The following CNTNAP2 variants were observed in gnomAD, a reference collection of about 807,000 sequenced individuals.
CNTNAP2 encodes the protein contactin-associated protein-like 2.
A neutral mutation model predicts 155.2 loss-of-function variants in CNTNAP2; 98 were observed. The ratio of observed to expected loss-of-function variants is 0.63; its 90% CI spans 0.54 to 0.75. The LOEUF is 0.75. Ranked by LOEUF, CNTNAP2 falls within the 30% of genes least tolerant of loss-of-function variation. CNTNAP2 has a pLI of 0.00. For missense variants in CNTNAP2, 1,727 were observed against 1,688.1 expected (o/e 1.02, Z -0.40); for synonymous variants, 651 against 631.2 (o/e 1.03, Z -0.47).
At chr7:147,396,684 T>G (rs1796822286) in intron 10 of CNTNAP2, among the ~76,000 whole-genome samples, 1 of 152,020 alleles carries the variant, frequency 6.6e-6, no homozygotes, top group Non-Finnish European at 1.5e-5. Flanking sequence ...ATGAACAAGT[T>G]TCATTTTGAG....
intron 1 of CNTNAP2, among the ~76,000 whole-genome samples, chr7:146,486,935 G>A (rs1797067356): frequency 1.3e-5 from 2 of 152,114 alleles, no homozygotes; most frequent in South Asian, 4.2e-4. Context: ...CAGCTGTACT[G>A]TAACTTCACT....
At chr7:146,324,220 C>T (rs1057394240) in intron 1 of CNTNAP2, among the ~76,000 whole-genome samples, 4 of 152,016 alleles carry the variant, frequency 2.6e-5, no homozygotes, top group Admixed American at 6.6e-5. Context: ...TGAGATGGAA[C>T]GATTACACTT....
chr7:147,929,427 T>C (rs1359352049), intron 14 of CNTNAP2, among the ~76,000 whole-genome samples: 1 of 152,156 alleles, frequency 6.6e-6, no homozygotes, highest in African/African-American at 2.4e-5. Flanking sequence ...GAAAAGAATA[T>C]CCTACAAACT....
intron 1 of CNTNAP2, among the ~76,000 whole-genome samples, chr7:146,342,918 T>A (rs1489455330): frequency 6.6e-6 from 1 of 152,218 alleles, no homozygotes; most frequent in Non-Finnish European, 1.5e-5. Context: ...ACTGCAGAAT[T>A]AGAATGCAGA....
intron 1 of CNTNAP2, among the ~76,000 whole-genome samples, chr7:146,472,027 T>C (rs1584940908): frequency 6.6e-6 from 1 of 152,192 alleles, no homozygotes; most frequent in South Asian, 2.1e-4. Context: ...AAAGCTCTCA[T>C]GGGCATCCTG....
At chr7:146,161,083 C>T (rs149532389) in intron 1 of CNTNAP2, among the ~76,000 whole-genome samples, 1,604 of 152,236 alleles carry the variant, frequency 0.011, 17 homozygotes, top group Middle Eastern at 0.044. Flanking sequence ...ATCGTATAAA[C>T]GGAACTAAAG....
At chr7:146,728,691 GCA>G (rs1290336877) in intron 1 of CNTNAP2, among the ~76,000 whole-genome samples, 2 of 150,396 alleles carry the variant, frequency 1.3e-5, no homozygotes, top group Admixed American at 1.3e-4. Context: ...TAGAAAAAAA[GCA>G]CAGTCTGTTC....
chr7:147,515,635 A>G (rs560288667), intron 11 of CNTNAP2, among the ~76,000 whole-genome samples: 1 of 152,190 alleles, frequency 6.6e-6, no homozygotes, highest in South Asian at 2.1e-4. Context: ...ATATTCTAAT[A>G]TACTGCATCT....
chr7:146,526,350 G>T (rs1291310819), intron 1 of CNTNAP2, among the ~76,000 whole-genome samples: 1 of 152,156 alleles, frequency 6.6e-6, no homozygotes, highest in Non-Finnish European at 1.5e-5. Context: ...AGTTCTTCAT[G>T]CTTTACAGGA....
At chr7:146,618,584 T>C (rs1799266057) in intron 1 of CNTNAP2, among the ~76,000 whole-genome samples, 1 of 152,180 alleles carries the variant, frequency 6.6e-6, no homozygotes, top group African/African-American at 2.4e-5. Flanking sequence ...AATTCAATCC[T>C]AGGGTAACAA....
intron 3 of CNTNAP2, among the ~76,000 whole-genome samples, chr7:146,932,172 G>T (rs1034546372): frequency 5.3e-5 from 8 of 152,160 alleles, no homozygotes; most frequent in African/African-American, 1.9e-4. Context: ...GATGAACACT[G>T]ATGCAAAAAT....
chr7:147,388,892 C>A (rs1057425914), intron 9 of CNTNAP2, among the ~76,000 whole-genome samples: 2 of 152,068 alleles, frequency 1.3e-5, no homozygotes, highest in African/African-American at 4.8e-5. Flanking sequence ...CATATGTGTA[C>A]CCTCTTTCTT....
At chr7:146,650,491 A>C (rs1204030572) in intron 1 of CNTNAP2, among the ~76,000 whole-genome samples, 1 of 152,066 alleles carries the variant, frequency 6.6e-6, no homozygotes, top group Admixed American at 6.6e-5. Flanking sequence ...GGAGTTGAAC[A>C]ATGAGAACAC....
chr7:148,363,509 A>G (rs1481742534), intron 21 of CNTNAP2, among the ~76,000 whole-genome samples: 1 of 152,258 alleles, frequency 6.6e-6, no homozygotes, highest in Non-Finnish European at 1.5e-5. Context: ...GGTGAGCTCA[A>G]AAACGTACGA....
chr7:146,143,815 T>C (rs1797916002), intron 1 of CNTNAP2, among the ~76,000 whole-genome samples: 1 of 151,938 alleles, frequency 6.6e-6, no homozygotes, highest in Admixed American at 6.6e-5. Context: ...CAGGCTGGAG[T>C]ACAGTGGCAC....
intron 10 of CNTNAP2, among the ~76,000 whole-genome samples, chr7:147,401,751 G>C (rs550530663): frequency 3.3e-5 from 5 of 152,176 alleles, no homozygotes; most frequent in African/African-American, 1.2e-4. Flanking sequence ...TAAAAGTATG[G>C]CACTTTCCCC....
chr7:147,930,400 T>C (rs1294832215), intron 14 of CNTNAP2, among the ~76,000 whole-genome samples: 1 of 152,120 alleles, frequency 6.6e-6, no homozygotes, highest in East Asian at 1.9e-4. Flanking sequence ...TGATAATCTA[T>C]GCAAATGGCA....
chr7:148,140,148 A>G (rs750631251), intron 16 of CNTNAP2, among the ~76,000 whole-genome samples: 3 of 152,350 alleles, frequency 2.0e-5, no homozygotes, highest in South Asian at 2.1e-4. Flanking sequence ...CTGAGTTTAC[A>G]GTCAACCTCT....
At chr7:147,287,952 C>G (rs1805219451) in intron 8 of CNTNAP2, among the ~76,000 whole-genome samples, 1 of 152,084 alleles carries the variant, frequency 6.6e-6, no homozygotes, top group African/African-American at 2.4e-5. Flanking sequence ...TAATAGATGT[C>G]CTTACCTTCA....
Sources: allele counts gnomAD v4.1 joint callset (sites outside exome capture counted in the v4.1 genomes callset), GRCh38; gene constraint gnomAD v4.1.1; transcripts MANE v1.5; gene names NCBI Gene and HGNC (gene_info 2026-07-23, HGNC 2026-07-21).